Variants in FGD4 observed in about 807,000 individuals in gnomAD.
FGD4 encodes the protein FYVE, RhoGEF and PH domain-containing protein 4.
FGD4 carries 42 observed loss-of-function variants against 102.0 expected under a neutral mutation model. The ratio of observed to expected loss-of-function variants is 0.41; its 90% CI spans 0.32 to 0.53. FGD4 has a LOEUF of 0.53. Ranked by LOEUF, FGD4 falls within the 20% of genes least tolerant of loss-of-function variation. FGD4 has a pLI of 0.21. For missense variants in FGD4, 902 were observed against 1,078.2 expected, an observed-to-expected ratio of 0.84 and a Z score of 2.29; for synonymous variants, 380 against 375.7, an observed-to-expected ratio of 1.01 and a Z score of -0.13.
intron 1 of FGD4, among the ~76,000 whole-genome samples, chr12:32,417,165 A>G (rs1490464183): frequency 6.6e-6 from 1 of 152,022 alleles, no homozygotes; most frequent in East Asian, 1.9e-4. Context: ...AAGTGTTGGA[A>G]TTACGGGCAT....
At chr12:32,463,967 A>T (rs1181504912) in intron 1 of FGD4, among the ~76,000 whole-genome samples, 1 of 152,186 alleles carries the variant, frequency 6.6e-6, no homozygotes, top group Non-Finnish European at 1.5e-5. Flanking sequence ...AATTCAGTAA[A>T]ATTCTAAATT....
intron 1 of FGD4, among the ~76,000 whole-genome samples, chr12:32,447,484 CTGTCATTCT>C (rs1942651668): frequency 6.6e-6 from 1 of 151,830 alleles, no homozygotes; most frequent in Non-Finnish European, 1.5e-5. Flanking sequence ...TTAAAATTTA[CTGTCATTCT>C]TTTTAAACAT....
At chr12:32,491,627 A>G (rs1944095008) in intron 1 of FGD4, among the ~76,000 whole-genome samples, 1 of 152,222 alleles carries the variant, frequency 6.6e-6, no homozygotes. Flanking sequence ...TATGTTTGTG[A>G]AACTGTATCT....
chr12:32,529,930 A>T (rs956288188), intron 1 of FGD4, among the ~76,000 whole-genome samples: 1 of 152,082 alleles, frequency 6.6e-6, no homozygotes, highest in African/African-American at 2.4e-5. Context: ...TATGACAGCT[A>T]ATGTGCCAGT....
chr12:32,560,560 A>C (rs1944454500), intron 1 of FGD4, among the ~76,000 whole-genome samples: 1 of 152,118 alleles, frequency 6.6e-6, no homozygotes, highest in Non-Finnish European at 1.5e-5. Flanking sequence ...CCTTTTTATA[A>C]TTTTAATAAT....
chr12:32,619,591 T>G (rs1350489743), intron 10 of FGD4, 107 bp from the exon 11 acceptor site: 1 of 1,262,764 alleles, frequency 7.9e-7, no homozygotes, highest in African/African-American at 1.5e-5. Flanking sequence ...AAGGTCACAC[T>G]ATTACACTCC....
At chr12:32,578,810 G>A (rs1038446638) in intron 3 of FGD4, among the ~76,000 whole-genome samples, 2 of 151,444 alleles carry the variant, frequency 1.3e-5, no homozygotes, top group East Asian at 1.9e-4. Flanking sequence ...CAGCCTGGGC[G>A]ACGGAGTGGG....
intron 1 of FGD4, among the ~76,000 whole-genome samples, chr12:32,563,439 G>T (rs1241828843): frequency 6.6e-6 from 1 of 151,918 alleles, no homozygotes; most frequent in Non-Finnish European, 1.5e-5. Flanking sequence ...TTCCTAGATG[G>T]GATGGCGGCC....
intron 1 of FGD4, among the ~76,000 whole-genome samples, chr12:32,412,201 C>G (rs1418549849): frequency 6.6e-6 from 1 of 152,106 alleles, no homozygotes; most frequent in East Asian, 1.9e-4. Context: ...AAATGATTCT[C>G]TTTGGAAATG....
Position 32,506,675 on chromosome 12 carries a change from C to T in FGD4, c.167-57462C>T, listed in dbSNP as rs537309671. Among the ~76,000 whole-genome samples, 2 of 152,276 alleles carry T rather than the reference C, an allele frequency of 1.3e-5. No individual in the cohort carries two copies. Among genetic ancestry groups the T allele is most frequent in the South Asian group, 2.1e-4 (1 of 4,816 alleles). On this transcript the variant is annotated intron_variant, in intron 1 of 16. Coordinates refer to ENST00000534526, the MANE Select transcript of FGD4 (RefSeq NM_001370298.3). This position sits in a 1 kb window ranked among gnomAD's most constrained non-coding sequence, Gnocchi z 4.5. ...CACCCCCTAAGGAGACATTCACTGTCTTCATTGTTAACGTTGCATTCATTC... is the reference window on the plus strand; with the variant it reads ...CACCCCCTAAGGAGACATTCACTGTTTTCATTGTTAACGTTGCATTCATTC...
intron 1 of FGD4, among the ~76,000 whole-genome samples, chr12:32,540,538 G>T (rs192428453): frequency 9.6e-4 from 145 of 151,140 alleles, no homozygotes; most frequent in Middle Eastern, 3.4e-3. Context: ...TCAGGAGATT[G>T]ACGCCTTTTT....
rs983474070 is a variant in FGD4, at chr12:32,491,147, AAAAC to A, written c.167-72986_167-72983del. Among the ~76,000 whole-genome samples, 11 of 150,928 alleles carry A rather than the reference AAAAC, an allele frequency of 7.3e-5. 1 individual carries two copies. Among genetic ancestry groups the A allele is most frequent in the Admixed American group, 5.3e-4 (8 of 15,188 alleles). ...TTCTGCCAGTTAAAAAAAAAAAAAA[AAAAC>A]AAAAAACTATAAAATTGGAAAGGTA... On this transcript the variant is annotated intron_variant, in intron 1 of 16. Coordinates refer to ENST00000534526, the MANE Select transcript of FGD4 (RefSeq NM_001370298.3).
intron 9 of FGD4, 111 bp from the exon 10 acceptor site, chr12:32,611,026 A>G (rs1949101967): frequency 1.5e-6 from 2 of 1,362,224 alleles, no homozygotes; most frequent in South Asian, 1.2e-5. Context: ...ATTAAAATGT[A>G]TGCTTACTCC....
At position 32,571,982 on chromosome 12, in the gene FGD4, T is replaced by G. The variant is rs189684756; in HGVS notation, c.320-4284T>G. Among the ~76,000 whole-genome samples the G allele has an allele frequency of 8.0e-4, 122 of 152,180 alleles. 1 individual carries two copies. The highest frequency in any genetic ancestry group is 7.9e-3 in the Admixed American group (120 of 15,282). ...TCTGGAGACTGAGATGTAGGATCAC[T>G]TATGCCCAGGAGTTTGAGGTTACAA... is the stretch of plus-strand genomic sequence containing the variant. On this transcript the variant is annotated intron_variant, in intron 2 of 16. Transcript: ENST00000534526.
At chr12:32,577,592 G>A (rs1272227114) in intron 3 of FGD4, among the ~76,000 whole-genome samples, 1 of 152,198 alleles carries the variant, frequency 6.6e-6, no homozygotes, top group Non-Finnish European at 1.5e-5. Context: ...AAGTTCTGGA[G>A]AGAAGCCTGT....
At chr12:32,418,651 G>T (rs1402378643) in intron 1 of FGD4, among the ~76,000 whole-genome samples, 2 of 152,102 alleles carry the variant, frequency 1.3e-5, no homozygotes, top group Non-Finnish European at 2.9e-5. Flanking sequence ...GGACTGTACC[G>T]GTTCAGACCC....
At chr12:32,549,902 T>C (rs1350604870) in intron 1 of FGD4, among the ~76,000 whole-genome samples, 1 of 152,214 alleles carries the variant, frequency 6.6e-6, no homozygotes, top group Non-Finnish European at 1.5e-5. Flanking sequence ...CTTCTACAGC[T>C]AGTGCCCCTG....
intron 1 of FGD4, among the ~76,000 whole-genome samples, chr12:32,560,468 C>G (rs2136245163): frequency 6.6e-6 from 1 of 152,202 alleles, no homozygotes; most frequent in East Asian, 1.9e-4. Flanking sequence ...GGCTGCCTAC[C>G]TGGTCTCAAA....
At chr12:32,633,737 A>G (rs1323466130) in intron 15 of FGD4, 48 bp downstream of exon 15, 4 of 1,517,322 alleles carry the variant, frequency 2.6e-6, no homozygotes, top group Non-Finnish European at 2.7e-6. Flanking sequence ...TTTTTTCCCA[A>G]CGGACTCTCG....
Sources: allele counts gnomAD v4.1 joint callset (sites outside exome capture counted in the v4.1 genomes callset), GRCh38; gene constraint gnomAD v4.1.1; non-coding constraint Gnocchi (gnomAD v3.1); transcripts MANE v1.5; gene names NCBI Gene and HGNC (gene_info 2026-07-23, HGNC 2026-07-21).